KCND2: variants seen among roughly 807,000 people sequenced by gnomAD.
KCND2 encodes potassium voltage-gated channel subfamily D member 2, also known as A-type voltage-gated potassium channel KCND2.
In KCND2, 16 loss-of-function variants were observed where a neutral mutation model predicts 54.4. The ratio of observed to expected loss-of-function variants is 0.29; its 90% CI spans 0.20 to 0.45. The LOEUF is 0.45. Ranked by LOEUF, KCND2 falls within the 20% of genes least tolerant of loss-of-function variation. KCND2 has a pLI of 1.00. For synonymous variants in KCND2, 317 were observed against 310.7 expected, an observed-to-expected ratio of 1.02 and a Z score of -0.21; for missense variants, 486 against 824.2, an observed-to-expected ratio of 0.59 and a Z score of 5.02.
chr7:120,345,999 A>G (rs1800311159), intron 1 of KCND2, among the ~76,000 whole-genome samples: 2 of 152,194 alleles, frequency 1.3e-5, no homozygotes, highest in African/African-American at 4.8e-5. Flanking sequence ...CATACTCACC[A>G]ACACTTGTTA....
intron 1 of KCND2, among the ~76,000 whole-genome samples, chr7:120,606,606 A>T (rs989151724): frequency 3.9e-5 from 6 of 152,152 alleles, no homozygotes; most frequent in Non-Finnish European, 7.4e-5. Context: ...CTGTCCCAGT[A>T]GTCATTGAAA....
chr7:120,748,966 A>T lies in KCND2; in HGVS notation c.*1108A>T, dbSNP rs1793040309. The T allele has an allele frequency of 6.6e-6, 1 of 151,984 alleles. No homozygotes were observed. The highest frequency in any genetic ancestry group is 1.5e-5 in the Non-Finnish European group (1 of 67,874). The allele number at this position is 151,984 out of a possible 1,614,324, so 9.4% of individuals were successfully genotyped here. A position where few individuals can be genotyped will look rare whatever the true frequency, so the allele number is the denominator to read the frequency against. Reference sequence around the variant, plus strand: ...TCAATCCCCTTGTCGAAAACTAGAAAAAAAGGAGTTGACCCATATAAATTA... The same window carrying T: ...TCAATCCCCTTGTCGAAAACTAGAATAAAAGGAGTTGACCCATATAAATTA... On this transcript the variant is annotated 3_prime_UTR_variant, in exon 6 of 6. Transcript: ENST00000331113.
intron 1 of KCND2, among the ~76,000 whole-genome samples, chr7:120,528,178 A>G (rs1395467203): frequency 6.6e-6 from 1 of 152,136 alleles, no homozygotes; most frequent in African/African-American, 2.4e-5. Context: ...TTATACAAAC[A>G]TTACTCTTTA....
At chr7:120,606,731 A>G (rs888477516) in intron 1 of KCND2, among the ~76,000 whole-genome samples, 1 of 151,834 alleles carries the variant, frequency 6.6e-6, no homozygotes, top group African/African-American at 2.4e-5. Flanking sequence ...TGTGTATGTA[A>G]TATAATATAT....
chr7:120,717,021 T>C (rs993867092), intron 1 of KCND2, among the ~76,000 whole-genome samples: 6 of 152,124 alleles, frequency 3.9e-5, no homozygotes, highest in African/African-American at 1.4e-4. Flanking sequence ...ATAGAAAAAT[T>C]ATAACTATAT....
At chr7:120,653,669 T>TA (rs967243821) in intron 1 of KCND2, among the ~76,000 whole-genome samples, 3 of 152,306 alleles carry the variant, frequency 2.0e-5, no homozygotes, top group Middle Eastern at 6.8e-3. Context: ...ATTGTAGGGA[T>TA]AAAAAGGAGA....
chr7:120,678,746 A>ATG (rs1792102981), intron 1 of KCND2, among the ~76,000 whole-genome samples: 2 of 76,222 alleles, frequency 2.6e-5, no homozygotes, highest in South Asian at 6.8e-4. Context: ...GTGTATATAT[A>ATG]TATATATATA....
intron 1 of KCND2, among the ~76,000 whole-genome samples, chr7:120,397,627 C>A (rs1801173294): frequency 6.6e-6 from 1 of 151,736 alleles, no homozygotes; most frequent in African/African-American, 2.4e-5. Context: ...ACTTGATGAT[C>A]AAGGCCAAAG....
chr7:120,712,576 G>C (rs919478812), intron 1 of KCND2, among the ~76,000 whole-genome samples: 1 of 151,762 alleles, frequency 6.6e-6, no homozygotes, highest in African/African-American at 2.4e-5. Context: ...TGTGCTTTTT[G>C]ATTTAGTTTT....
intron 1 of KCND2, among the ~76,000 whole-genome samples, chr7:120,604,402 G>A (rs1792852939): frequency 1.3e-5 from 2 of 150,766 alleles, no homozygotes; most frequent in Admixed American, 1.3e-4. Flanking sequence ...GGAGACTGAG[G>A]CAGGAGAATC....
chr7:120,331,962 G>A (rs1260905408), intron 1 of KCND2, among the ~76,000 whole-genome samples: 7 of 151,634 alleles, frequency 4.6e-5, no homozygotes, highest in Admixed American at 3.9e-4. Context: ...TCTCCTGTTC[G>A]ACTTTCAATT....
chr7:120,387,475 T>A (rs1801007713), intron 1 of KCND2, among the ~76,000 whole-genome samples: 1 of 152,044 alleles, frequency 6.6e-6, no homozygotes, highest in African/African-American at 2.4e-5. Context: ...TGCCTATATG[T>A]CATCTCATAA....
intron 1 of KCND2, among the ~76,000 whole-genome samples, chr7:120,314,354 T>C (rs10156175): frequency 0.074 from 11,184 of 151,870 alleles, 882 homozygotes; most frequent in African/African-American, 0.2. Flanking sequence ...AAAATGCATT[T>C]TTTTGGTTAG....
intron 1 of KCND2, among the ~76,000 whole-genome samples, chr7:120,578,052 AAG>A (rs1262583434): frequency 6.6e-6 from 1 of 151,860 alleles, no homozygotes; most frequent in Non-Finnish European, 1.5e-5. Flanking sequence ...GGAGAAGAAG[AAG>A]AAGAAGAAGA....
chr7:120,589,918 T>C (rs1298211132), intron 1 of KCND2, among the ~76,000 whole-genome samples: 1 of 152,210 alleles, frequency 6.6e-6, no homozygotes, highest in Non-Finnish European at 1.5e-5. Flanking sequence ...TTATTGCCAC[T>C]TTATGCACTT....
chr7:120,638,455 A>T (rs567555664), intron 1 of KCND2, among the ~76,000 whole-genome samples: 2 of 152,128 alleles, frequency 1.3e-5, no homozygotes, highest in East Asian at 3.9e-4. Flanking sequence ...GAAAAAGCAA[A>T]ATTTCCCCTG....
intron 1 of KCND2, among the ~76,000 whole-genome samples, chr7:120,416,870 G>C (rs757047468): frequency 1.3e-5 from 2 of 152,016 alleles, no homozygotes; most frequent in Non-Finnish European, 2.9e-5. Context: ...CTTTGAGGCA[G>C]AGTCTCGCTC....
At chr7:120,624,152 A>G (rs1285891425) in intron 1 of KCND2, among the ~76,000 whole-genome samples, 4 of 152,220 alleles carry the variant, frequency 2.6e-5, no homozygotes, top group South Asian at 2.1e-4. Context: ...TGTATATTCA[A>G]TTAAGCTTCC....
intron 1 of KCND2, among the ~76,000 whole-genome samples, chr7:120,542,119 T>C (rs1220517346): frequency 7.5e-6 from 1 of 133,896 alleles, no homozygotes; most frequent in Non-Finnish European, 1.5e-5. Context: ...CCTGAAACTT[T>C]AGATCATCAG....
Sources: gnomAD v4.1 joint callset for allele counts (sites outside exome capture counted in the v4.1 genomes callset) on GRCh38, gnomAD v4.1.1 for gene constraint, MANE v1.5 for transcripts, NCBI Gene and HGNC (gene_info 2026-07-23, HGNC 2026-07-21) for gene names.